Variants in CHLSN observed in about 807,000 individuals in gnomAD.
CHLSN encodes the protein protein cholesin.
At chr7:985,114 G>A in the CHLSN span, 16 of 1,609,084 alleles carry the variant, frequency 9.9e-6, no homozygotes, top group Admixed American at 3.4e-5. Context: ...GCAGGGGGCC[G>A]GGGACGCCCC....
chr7:1,117,332 C>A, the CHLSN span, among the ~76,000 whole-genome samples: 2 of 92,724 alleles, frequency 2.2e-5, no homozygotes, highest in Admixed American at 1.0e-4. Flanking sequence ...CTTCCATCAC[C>A]GACGCCCACG....
chr7:1,132,158 T>C, the CHLSN span, among the ~76,000 whole-genome samples: 1 of 152,358 alleles, frequency 6.6e-6, no homozygotes, highest in East Asian at 1.9e-4. Context: ...AATGGCCTCT[T>C]ACATATGGCA....
chr7:1,095,952 C>G, the CHLSN span, among the ~76,000 whole-genome samples: 1 of 152,202 alleles, frequency 6.6e-6, no homozygotes, highest in Admixed American at 6.5e-5. Context: ...ACGGCAGCAG[C>G]GGCAGCGGGG....
the CHLSN span, among the ~76,000 whole-genome samples, chr7:979,470 G>C: frequency 6.6e-6 from 1 of 152,156 alleles, no homozygotes; most frequent in African/African-American, 2.4e-5. Context: ...GCAGTGATTT[G>C]GCCGGGTGTG....
the CHLSN span, among the ~76,000 whole-genome samples, chr7:1,133,318 G>A: frequency 1.3e-5 from 2 of 148,978 alleles, no homozygotes; most frequent in Non-Finnish European, 2.9e-5. Context: ...AAGGGGCACA[G>A]GGTTTCTTGT....
the CHLSN span, among the ~76,000 whole-genome samples, chr7:1,078,777 T>C: frequency 2.0e-5 from 3 of 152,262 alleles, no homozygotes; most frequent in Admixed American, 6.5e-5. Flanking sequence ...GGACAGTGCC[T>C]GCTCCAGACA....
chr7:1,000,656 AC>A, the CHLSN span: 1 of 853,666 alleles, frequency 1.2e-6, no homozygotes, highest in Non-Finnish European at 1.9e-6. Flanking sequence ...AGGGAGCCCC[AC>A]CAGGTACTAC....
chr7:1,002,467 GT>G, the CHLSN span, among the ~76,000 whole-genome samples: 3 of 117,196 alleles, frequency 2.6e-5, no homozygotes, highest in South Asian at 3.3e-4. Context: ...CTGTGGGTGA[GT>G]GGAGTCCTGT....
chr7:1,017,075 G>A, the CHLSN span, among the ~76,000 whole-genome samples: 1 of 152,176 alleles, frequency 6.6e-6, no homozygotes, highest in Non-Finnish European at 1.5e-5. Flanking sequence ...AGGGTGTGGG[G>A]TCTGCGGAGA....
the CHLSN span, chr7:1,055,313 G>A: frequency 8.5e-6 from 4 of 471,168 alleles, no homozygotes; most frequent in South Asian, 3.1e-5. Context: ...GCCCTCACAC[G>A]CACGCGCAGG....
the CHLSN span, chr7:1,081,904 A>C: frequency 6.6e-6 from 1 of 152,374 alleles, no homozygotes; most frequent in Non-Finnish European, 1.5e-5. Flanking sequence ...CTCGGGGCCA[A>C]GTTCAGGTGT....
chr7:1,028,328 G>C, the CHLSN span: 1 of 1,026,712 alleles, frequency 9.7e-7, no homozygotes, highest in Non-Finnish European at 1.2e-6. Context: ...AGTGCGCACC[G>C]CCCGGCCCGC....
At chr7:1,112,929 G>C in the CHLSN span, among the ~76,000 whole-genome samples, 1 of 152,170 alleles carries the variant, frequency 6.6e-6, no homozygotes, top group African/African-American at 2.4e-5. Flanking sequence ...CATATTTACA[G>C]AGCTTTACTC....
chr7:1,072,769 C>T, the CHLSN span, among the ~76,000 whole-genome samples: 2 of 151,382 alleles, frequency 1.3e-5, no homozygotes, highest in Admixed American at 6.6e-5. Flanking sequence ...CTGCAACCTC[C>T]GCCCCCTGGG....
At chr7:992,317 A>T in the CHLSN span, among the ~76,000 whole-genome samples, 2 of 152,174 alleles carry the variant, frequency 1.3e-5, no homozygotes, top group African/African-American at 2.4e-5. Context: ...TACCATCCTA[A>T]GTCAAGGCAA....
chr7:1,122,280 G>A, the CHLSN span, among the ~76,000 whole-genome samples: 1 of 152,242 alleles, frequency 6.6e-6, no homozygotes, highest in East Asian at 1.9e-4. Context: ...ACGAGGCAGA[G>A]GAAGCCAGGG....
the CHLSN span, among the ~76,000 whole-genome samples, chr7:1,114,858 C>A: frequency 6.6e-6 from 1 of 152,268 alleles, no homozygotes; most frequent in African/African-American, 2.4e-5. Context: ...CGCAGGAGAG[C>A]TGCCCCTGCC....
At chr7:1,040,615 A>C in the CHLSN span, among the ~76,000 whole-genome samples, 1 of 152,316 alleles carries the variant, frequency 6.6e-6, no homozygotes, top group African/African-American at 2.4e-5. Context: ...TGTAGGAGAA[A>C]ATGTTTGGGA....
At chr7:992,465 A>C in the CHLSN span, among the ~76,000 whole-genome samples, 1 of 152,174 alleles carries the variant, frequency 6.6e-6, no homozygotes, top group East Asian at 1.9e-4. Context: ...ACCAAGCTTT[A>C]CCCACGGAGA....
Sources: allele counts gnomAD v4.1 joint callset (sites outside exome capture counted in the v4.1 genomes callset), GRCh38; gene constraint gnomAD v4.1.1; transcripts MANE v1.5; gene names NCBI Gene and HGNC (gene_info 2026-07-23, HGNC 2026-07-21).